DMD: variants seen among roughly 807,000 people sequenced by gnomAD.
The protein encoded by DMD is mutant dystrophin.
A neutral mutation model predicts 330.1 loss-of-function variants in DMD; 63 were observed. The ratio of observed to expected loss-of-function variants is 0.19; its 90% CI spans 0.16 to 0.24. The LOEUF (loss-of-function observed/expected upper bound fraction) is 0.24, where lower values mean the gene tolerates loss of function less well. Among genes scored for constraint, DMD ranks in the 10% least tolerant of loss-of-function variants. DMD has a pLI of 1.00. For synonymous variants in DMD, 1,223 were observed against 959.8 expected, an observed-to-expected ratio of 1.27 and a Z score of -5.07; for missense variants, 3,344 against 2,684.1, an observed-to-expected ratio of 1.25 and a Z score of -5.43.
At chrX:33,160,638 G>A (rs958616474) in intron 1 of DMD, among the ~76,000 whole-genome samples, 7 of 112,313 alleles carry the variant, frequency 6.2e-5, no homozygotes, top group African/African-American at 9.7e-5. Context: ...GTCCTTCAGT[G>A]ATCTTAGATT....
chrX:31,129,075 G>A (rs2034133246), intron 77 of DMD, among the ~76,000 whole-genome samples: 1 of 111,187 alleles, frequency 9.0e-6, no homozygotes, highest in Non-Finnish European at 1.9e-5. Flanking sequence ...AGACAAAAGG[G>A]AAGTGTGCTG....
At chrX:32,574,773 C>G (rs2052834882) in intron 13 of DMD, among the ~76,000 whole-genome samples, 1 of 110,115 alleles carries the variant, frequency 9.1e-6, no homozygotes, top group Non-Finnish European at 1.9e-5. Context: ...AAAATCTACT[C>G]AGTGTCTAAG....
intron 44 of DMD, among the ~76,000 whole-genome samples, chrX:32,058,542 C>T (rs767984230): frequency 1.0e-3 from 104 of 102,555 alleles, no homozygotes; most frequent in African/African-American, 3.4e-3. Flanking sequence ...GATATACTAC[C>T]TCACGGATTA....
At chrX:32,262,269 C>G in intron 43 of DMD, among the ~76,000 whole-genome samples, 1 of 111,975 alleles carries the variant, frequency 8.9e-6, no homozygotes, top group Non-Finnish European at 1.9e-5. Flanking sequence ...GTACATACTT[C>G]ATGATTCTAC....
At chrX:33,320,004 T>C (rs997743767) in intron 1 of DMD, among the ~76,000 whole-genome samples, 1 of 111,882 alleles carries the variant, frequency 8.9e-6, no homozygotes, top group African/African-American at 3.2e-5. Flanking sequence ...GATGACTGTA[T>C]GGAATTTAAA....
At chrX:32,645,215 TA>T in intron 9 of DMD, 63 bp from the exon 10 acceptor site, 1 of 1,106,587 alleles carries the variant, frequency 9.0e-7, no homozygotes, top group Non-Finnish European at 1.2e-6. Context: ...TCCAGTACAT[TA>T]AATGATGAAT....
intron 52 of DMD, among the ~76,000 whole-genome samples, chrX:31,692,579 A>G (rs2083197879): frequency 8.9e-6 from 1 of 111,947 alleles, no homozygotes; most frequent in South Asian, 3.7e-4. Context: ...ATCAAAGAGA[A>G]GACATTATGA....
At chrX:32,583,215 G>A (rs1027494256) in intron 13 of DMD, among the ~76,000 whole-genome samples, 3 of 111,834 alleles carry the variant, frequency 2.7e-5, no homozygotes, top group Non-Finnish European at 3.8e-5. Context: ...CCAGATACAG[G>A]CTGGGCCTGG....
intron 29 of DMD, among the ~76,000 whole-genome samples, chrX:32,433,111 G>T (rs1462184423): frequency 8.9e-6 from 1 of 112,345 alleles, no homozygotes. Flanking sequence ...TAATATTTAA[G>T]ACTCTAAATT....
chrX:32,732,528 C>T (rs182196273), intron 7 of DMD, among the ~76,000 whole-genome samples: 2,974 of 111,135 alleles, frequency 0.027, 43 homozygotes, highest in South Asian at 0.07. Flanking sequence ...TCGGGTTACC[C>T]TCAAAGGGAA....
Position 32,703,418 on chromosome X carries a change from A to G in DMD, c.650-4125T>C, listed in dbSNP as rs150326416. Among the ~76,000 whole-genome samples the G allele has an allele frequency of 8.9e-3, 995 of 111,729 alleles. 7 individuals carry two copies. Among genetic ancestry groups the G allele is most frequent in the African/African-American group, 0.03 (919 of 30,782 alleles). On this transcript the variant is annotated intron_variant, in intron 7 of 78. Transcript: ENST00000357033. ...TTAACACAAAAACAAACCTAGTTGT[A>G]GGAGACCATTTGTATACTATTAACA...
intron 1 of DMD, among the ~76,000 whole-genome samples, chrX:33,264,081 A>G (rs2053003468): frequency 9.0e-6 from 1 of 110,716 alleles, no homozygotes. Flanking sequence ...GTTAATGAAG[A>G]AAAATGTACA....
chrX:32,769,323 T>TG (rs1453744333), intron 7 of DMD, among the ~76,000 whole-genome samples: 1 of 111,446 alleles, frequency 9.0e-6, no homozygotes, highest in Non-Finnish European at 1.9e-5. Flanking sequence ...CTCCCCCTTA[T>TG]GAAGCCATCA....
intron 54 of DMD, among the ~76,000 whole-genome samples, chrX:31,637,852 T>C (rs1031973597): frequency 4.5e-5 from 5 of 112,000 alleles, no homozygotes; most frequent in African/African-American, 1.6e-4. Context: ...AAACTATTGT[T>C]CAGTTATAAC....
At chrX:31,609,795 G>T in intron 55 of DMD, among the ~76,000 whole-genome samples, 1 of 111,301 alleles carries the variant, frequency 9.0e-6, no homozygotes, top group South Asian at 3.8e-4. Flanking sequence ...CTCATTTTGA[G>T]ACTCTCACAT....
At chrX:32,320,169 G>A (rs1168785070) in intron 41 of DMD, among the ~76,000 whole-genome samples, 1 of 111,019 alleles carries the variant, frequency 9.0e-6, no homozygotes, top group Non-Finnish European at 1.9e-5. Flanking sequence ...AGATTTTTCA[G>A]AATAAACTCA....
intron 64 of DMD, among the ~76,000 whole-genome samples, chrX:31,216,807 T>C (rs149976721): frequency 0.013 from 1,474 of 111,698 alleles, 10 homozygotes; most frequent in Non-Finnish European, 0.02. Flanking sequence ...GCGGTGCATT[T>C]TTCACCTGGT....
At chrX:31,653,068 T>C (rs976037041) in intron 54 of DMD, among the ~76,000 whole-genome samples, 1 of 111,356 alleles carries the variant, frequency 9.0e-6, no homozygotes, top group African/African-American at 3.3e-5. Flanking sequence ...AGAGATCTAG[T>C]GTTTAACTAG....
chrX:32,770,722 G>A (rs1034091432), intron 7 of DMD, among the ~76,000 whole-genome samples: 1 of 111,558 alleles, frequency 9.0e-6, no homozygotes, highest in Non-Finnish European at 1.9e-5. Flanking sequence ...AGGACCAGGA[G>A]ATATAGCAGT....
Sources: gnomAD v4.1 joint callset for allele counts (sites outside exome capture counted in the v4.1 genomes callset) on GRCh38, gnomAD v4.1.1 for gene constraint, MANE v1.5 for transcripts, NCBI Gene and HGNC (gene_info 2026-07-23, HGNC 2026-07-21) for gene names.